RNGTT: variants seen among roughly 807,000 people sequenced by gnomAD.
RNGTT encodes the protein RNA guanylyltransferase and 5'-phosphatase.
RNGTT carries 33 observed loss-of-function variants against 79.3 expected under a neutral mutation model. That is an observed-to-expected ratio of 0.42 (90% confidence interval 0.32 to 0.56). RNGTT has a LOEUF of 0.56. RNGTT is among the 20% of genes least tolerant of loss of function. The probability of loss-of-function intolerance (pLI) is 0.17; values close to 1 mark genes in which losing one functional copy is unlikely to be tolerated. For synonymous variants in RNGTT, 222 were observed against 235.9 expected (o/e 0.94, Z 0.54); for missense variants, 497 against 739.1 (o/e 0.67, Z 3.80).
chr6:88,750,511 T>C (rs1241103278), intron 13 of RNGTT, among the ~76,000 whole-genome samples: 2 of 152,160 alleles, frequency 1.3e-5, no homozygotes, highest in African/African-American at 4.8e-5. Flanking sequence ...CTGGTTGGAA[T>C]ATGTTGACAG....
chr6:88,643,242 A>G (rs886369261), intron 14 of RNGTT, among the ~76,000 whole-genome samples: 1 of 152,192 alleles, frequency 6.6e-6, no homozygotes, highest in Non-Finnish European at 1.5e-5. Flanking sequence ...AAGAGAGCAT[A>G]AATCCTATTT....
In RNGTT at chr6:88,953,890, G is replaced by A. The variant is rs145055254; in HGVS notation, c.64+9456C>T. Among the ~76,000 whole-genome samples, 734 of 152,246 alleles carry A rather than the reference G, an allele frequency of 4.8e-3. 2 individuals carry two copies. Among genetic ancestry groups the A allele is most frequent in the African/African-American group, 0.017 (696 of 41,534 alleles). On this transcript the variant is annotated intron_variant, in intron 1 of 15. Transcript: ENST00000369485. Reference sequence around the variant, plus strand: ...GCAAAACTAGGCTTCATAAATGAAGGAGAGATAGTCTTTCTCAGATAAACA... The same window carrying A: ...GCAAAACTAGGCTTCATAAATGAAGAAGAGATAGTCTTTCTCAGATAAACA...
intron 13 of RNGTT, among the ~76,000 whole-genome samples, chr6:88,701,448 G>A (rs1053027091): frequency 1.3e-5 from 2 of 151,936 alleles, no homozygotes; most frequent in Non-Finnish European, 2.9e-5. Context: ...CTATATATGC[G>A]TGTGTATATT....
intron 13 of RNGTT, among the ~76,000 whole-genome samples, chr6:88,720,586 TTGATCCCTA>T (rs1776675368): frequency 6.6e-6 from 1 of 152,126 alleles, no homozygotes; most frequent in Non-Finnish European, 1.5e-5. Flanking sequence ...TTCATTAAAT[TTGATCCCTA>T]AAGCTCCAGA....
At chr6:88,942,467 C>T (rs575991917) in intron 1 of RNGTT, among the ~76,000 whole-genome samples, 5 of 152,104 alleles carry the variant, frequency 3.3e-5, no homozygotes, top group African/African-American at 7.2e-5. Context: ...ACCTCCTGGG[C>T]TCAAGCAATC....
intron 14 of RNGTT, among the ~76,000 whole-genome samples, chr6:88,664,580 G>T (rs978653264): frequency 6.6e-6 from 1 of 152,212 alleles, no homozygotes; most frequent in Non-Finnish European, 1.5e-5. Flanking sequence ...GAAAGGACAA[G>T]GGAATGGGGG....
At chr6:88,781,905 G>C (rs1231008366) in intron 12 of RNGTT, among the ~76,000 whole-genome samples, 4 of 151,760 alleles carry the variant, frequency 2.6e-5, no homozygotes, top group African/African-American at 9.7e-5. Context: ...TTTCACCCAG[G>C]CTATTGTGAT....
At chr6:88,753,581 T>C (rs1167073585) in intron 13 of RNGTT, among the ~76,000 whole-genome samples, 1 of 151,848 alleles carries the variant, frequency 6.6e-6, no homozygotes, top group Admixed American at 6.6e-5. Flanking sequence ...GGGTATGAAA[T>C]GACTGTCAAT....
In RNGTT at chr6:88,963,364, G is replaced by C; in HGVS notation, c.46C>G (p.Arg16Gly). The change falls in exon 1 of 16, where the codon CGC becomes GGC. Residue 16 changes from arginine to glycine, a missense_variant. By Grantham distance (125) the Arg-to-Gly change is moderately radical. This residue lies in a region of RNGTT where 440 missense variants were observed against 671.5 expected (regional missense o/e 0.66). Transcript: ENST00000369485. ...IPPRWLNCPR[R>G]GQPVAGRFLP... ...AGGTTACCTGCCACCGGCTGGCCGC[G>C]CCGGGGACAGTTCAGCCACCGCGGC... 2 of 1,611,040 alleles carry C rather than the reference G, an allele frequency of 1.2e-6. No homozygotes were observed. The highest frequency in any genetic ancestry group is 1.7e-6 in the Non-Finnish European group (2 of 1,178,710).
rs1366730774 is a variant in RNGTT at position 88,941,179 on chromosome 6, T to C, written c.66A>G (p.Gly22=). Residue 22 remains glycine, a splice_region_variant and synonymous_variant, in exon 2 of 16, where the codon GGA becomes GGG. Transcript: ENST00000369485. ...NCPRRGQPVA[G]RFLPLKTMLG... ...ACATTGTCTTCAGAGGTAAGAATCT[T>C]CCTAAACAACACAGATAGGTAATCA... The C allele has an allele frequency of 1.9e-6, 3 of 1,557,282 alleles. No homozygotes were observed. In the African/African-American group the frequency reaches 4.1e-5, roughly 21 times the overall value.
intron 13 of RNGTT, among the ~76,000 whole-genome samples, chr6:88,768,957 T>C (rs1385779933): frequency 1.3e-5 from 2 of 152,208 alleles, no homozygotes; most frequent in South Asian, 2.1e-4. Flanking sequence ...TACAAAAGTA[T>C]AGAAAATATT....
chr6:88,797,339 T>C (rs2325158), intron 12 of RNGTT, among the ~76,000 whole-genome samples: 19,581 of 152,024 alleles, frequency 0.13, 1,434 homozygotes, highest in Middle Eastern at 0.23. Flanking sequence ...TCCATAAGTA[T>C]AAGGACCAGT....
chr6:88,691,032 C>T (rs540482909), intron 13 of RNGTT, among the ~76,000 whole-genome samples: 1 of 152,252 alleles, frequency 6.6e-6, no homozygotes, highest in East Asian at 1.9e-4. Flanking sequence ...AAAGAAGCTA[C>T]ATGTCAAAGA....
Position 88,904,835 on chromosome 6 carries a change from T to C in RNGTT, c.564A>G (p.Leu188=), listed in dbSNP as rs146306306. The change falls in exon 6 of 16, where the codon CTA becomes CTG. Residue 188 remains leucine (L), a synonymous_variant. Coordinates refer to ENST00000369485, the MANE Select transcript of RNGTT (RefSeq NM_003800.5). ...GDIEEAPPPP[L]LPDWCFEDDE... ...CATCCTCAAAACACCAATCTGGCAATAGAGGTGGGGGTGGTGCTTCCTCTA... is the reference window on the plus strand; with the variant it reads ...CATCCTCAAAACACCAATCTGGCAACAGAGGTGGGGGTGGTGCTTCCTCTA... The C allele has an allele frequency of 5.6e-6, 9 of 1,614,004 alleles. No individual in the cohort carries two copies. The highest frequency in any genetic ancestry group is 1.3e-5 in the African/African-American group (1 of 74,896).
chr6:88,956,855 G>A (rs552729143), intron 1 of RNGTT, among the ~76,000 whole-genome samples: 69 of 152,102 alleles, frequency 4.5e-4, no homozygotes, highest in African/African-American at 1.5e-3. Context: ...CCTGGCCAAC[G>A]TGGTGAAACC....
chr6:88,734,267 T>C (rs1417228236), intron 13 of RNGTT, among the ~76,000 whole-genome samples: 1 of 152,058 alleles, frequency 6.6e-6, no homozygotes, highest in East Asian at 1.9e-4. Context: ...ATAGATTACT[T>C]GTAAATGTAT....
chr6:88,635,771 T>C (rs1773076522), intron 14 of RNGTT, among the ~76,000 whole-genome samples: 1 of 152,048 alleles, frequency 6.6e-6, no homozygotes, highest in South Asian at 2.1e-4. Context: ...ATTTAACTTG[T>C]TCTGAATTCT....
At chr6:88,749,199 C>T (rs1006069483) in intron 13 of RNGTT, among the ~76,000 whole-genome samples, 1 of 151,914 alleles carries the variant, frequency 6.6e-6, no homozygotes, top group African/African-American at 2.4e-5. Context: ...TAACTACTGG[C>T]AGAAAATCTG....
At chr6:88,958,667 T>C (rs2127967233) in intron 1 of RNGTT, among the ~76,000 whole-genome samples, 1 of 152,326 alleles carries the variant, frequency 6.6e-6, no homozygotes, top group Non-Finnish European at 1.5e-5. Context: ...AGATACCACC[T>C]TACTCCTGCA....
Sources: gnomAD v4.1 joint callset for allele counts (sites outside exome capture counted in the v4.1 genomes callset) on GRCh38, gnomAD v4.1.1 for gene constraint, gnomAD v4.1.1 regional missense constraint, MANE v1.5 for transcripts, NCBI Gene and HGNC (gene_info 2026-07-23, HGNC 2026-07-21) for gene names.